GRIP1: variants seen among roughly 807,000 people sequenced by gnomAD.
The protein encoded by GRIP1 is glutamate receptor interacting protein 1.
GRIP1 carries 45 observed loss-of-function variants against 129.9 expected under a neutral mutation model. The observed-to-expected ratio is 0.35, with a 90% CI of 0.27 to 0.44. GRIP1 has a LOEUF of 0.44. GRIP1 is among the 20% of genes least tolerant of loss of function. The pLI is 1.00. For missense variants in GRIP1, 1,196 were observed against 1,396.8 expected (o/e 0.86, Z 2.29); for synonymous variants, 530 against 520.8 (o/e 1.02, Z -0.24).
intron 1 of GRIP1, among the ~76,000 whole-genome samples, chr12:66,836,250 T>G (rs910298256): frequency 6.6e-6 from 1 of 152,078 alleles, no homozygotes; most frequent in African/African-American, 2.4e-5. Context: ...ACTCAGCATC[T>G]CTAAATGCTT....
intron 2 of GRIP1, among the ~76,000 whole-genome samples, chr12:66,555,793 A>G (rs907980640): frequency 6.6e-6 from 1 of 152,100 alleles, no homozygotes; most frequent in Non-Finnish European, 1.5e-5. Context: ...AGAATGCACC[A>G]CAGTCTGTTA....
At chr12:66,978,470 C>A (rs2042188534) in intron 1 of GRIP1, among the ~76,000 whole-genome samples, 1 of 152,104 alleles carries the variant, frequency 6.6e-6, no homozygotes, top group Non-Finnish European at 1.5e-5. Context: ...GAAATGACCA[C>A]TCTCTCTCCC....
chr12:66,952,861 T>C (rs1398865899), intron 1 of GRIP1, among the ~76,000 whole-genome samples: 1 of 152,206 alleles, frequency 6.6e-6, no homozygotes, highest in Non-Finnish European at 1.5e-5. Context: ...TTCTGATGAG[T>C]AAACATATTC....
intron 15 of GRIP1, among the ~76,000 whole-genome samples, chr12:66,415,461 C>T (rs748548335): frequency 3.3e-5 from 5 of 152,136 alleles, no homozygotes; most frequent in Non-Finnish European, 7.4e-5. Context: ...AATGCTTTTA[C>T]ATGGTTGGTG....
intron 7 of GRIP1, among the ~76,000 whole-genome samples, chr12:66,504,114 T>C (rs2138805768): frequency 6.6e-6 from 1 of 152,256 alleles, no homozygotes; most frequent in Middle Eastern, 3.4e-3. Context: ...AGGGGCAGTC[T>C]GAGAGTCAAC....
intron 14 of GRIP1, among the ~76,000 whole-genome samples, chr12:66,427,011 G>T (rs1057161830): frequency 4.6e-5 from 7 of 152,060 alleles, no homozygotes; most frequent in African/African-American, 1.7e-4. Context: ...AGGGTACTTC[G>T]GAGTCGGAGA....
intron 1 of GRIP1, among the ~76,000 whole-genome samples, chr12:66,670,479 A>T (rs983578175): frequency 1.1e-4 from 17 of 152,178 alleles, no homozygotes; most frequent in Admixed American, 1.1e-3. Flanking sequence ...TTCATACAGG[A>T]CTGCAGGCTC....
intron 2 of GRIP1, among the ~76,000 whole-genome samples, chr12:66,571,344 T>C (rs2062952149): frequency 6.6e-6 from 1 of 152,152 alleles, no homozygotes; most frequent in African/African-American, 2.4e-5. Flanking sequence ...TCCAGAAAAA[T>C]ATGCCTGCTG....
chr12:66,708,352 TTTTA>T (rs1469307315), intron 1 of GRIP1, among the ~76,000 whole-genome samples: 8 of 151,948 alleles, frequency 5.3e-5, no homozygotes, highest in Admixed American at 5.3e-4. Context: ...CTGTCTAAAA[TTTTA>T]TTTGTTTAAA....
intron 1 of GRIP1, among the ~76,000 whole-genome samples, chr12:66,841,495 A>G (rs73331116): frequency 0.015 from 2,258 of 152,328 alleles, 56 homozygotes; most frequent in African/African-American, 0.051. Flanking sequence ...TCTAAAACAC[A>G]AAGATGTGAG....
chr12:67,029,644 A>C (rs986142054), intron 1 of GRIP1, among the ~76,000 whole-genome samples: 4 of 149,462 alleles, frequency 2.7e-5, no homozygotes, highest in African/African-American at 4.9e-5. Context: ...ATACATTTTT[A>C]TTATTAAACC....
chr12:66,366,515 A>G (rs2055154515), intron 23 of GRIP1, among the ~76,000 whole-genome samples: 1 of 152,224 alleles, frequency 6.6e-6, no homozygotes, highest in African/African-American at 2.4e-5. Context: ...AGTGACTGAA[A>G]TGTCCAAGTG....
chr12:66,579,101 C>T (rs557631932), intron 2 of GRIP1, among the ~76,000 whole-genome samples: 59 of 152,238 alleles, frequency 3.9e-4, no homozygotes, highest in African/African-American at 1.2e-3. Context: ...TCACGGTTCA[C>T]GAAAAACCAC....
Position 66,624,218 on chromosome 12 carries a change from T to C in GRIP1, c.56-27291A>G, listed in dbSNP as rs533883824. 5.0e-4 allele frequency among the ~76,000 whole-genome samples: 76 copies of C among 152,306 alleles called. No homozygotes were observed. In the South Asian group the frequency reaches 0.014, roughly 28 times the overall value. On this transcript the variant is annotated intron_variant, in intron 1 of 24. Coordinates refer to ENST00000359742, the MANE Select transcript of GRIP1 (RefSeq NM_001366722.1). ...GCATTATTTCAATTGGTTCCTCTGTTTCCATATGCATGTTTGCCCTCTCAA... is the reference window on the plus strand; with the variant it reads ...GCATTATTTCAATTGGTTCCTCTGTCTCCATATGCATGTTTGCCCTCTCAA...
chr12:66,482,277 A>G (rs756911584), intron 7 of GRIP1, among the ~76,000 whole-genome samples: 2 of 152,210 alleles, frequency 1.3e-5, no homozygotes, highest in Non-Finnish European at 2.9e-5. Context: ...TGGCAGTGTC[A>G]GTGAGACTTC....
intron 2 of GRIP1, among the ~76,000 whole-genome samples, chr12:66,573,251 G>C (rs1027423719): frequency 5.3e-5 from 8 of 152,018 alleles, no homozygotes; most frequent in African/African-American, 1.9e-4. Flanking sequence ...CCAACAACCT[G>C]GGTGCGCCTG....
At chr12:66,462,763 C>T (rs1253638625) in intron 9 of GRIP1, among the ~76,000 whole-genome samples, 161 bp downstream of exon 9, 1 of 136,938 alleles carries the variant, frequency 7.3e-6, no homozygotes. Flanking sequence ...GATCATGCTA[C>T]TGCATTCCAG....
intron 1 of GRIP1, among the ~76,000 whole-genome samples, chr12:66,711,531 G>C (rs2035712612): frequency 6.6e-6 from 1 of 151,720 alleles, no homozygotes; most frequent in Non-Finnish European, 1.5e-5. Flanking sequence ...AAAATTTACT[G>C]TGCTCTTAGA....
In GRIP1 at chr12:67,067,232, A is replaced by T. The variant is rs556308319; in HGVS notation, c.58+1818T>A. Among the ~76,000 whole-genome samples, 14 of 152,288 alleles carry T rather than the reference A, an allele frequency of 9.2e-5. 1 individual carries two copies. The South Asian group carries it at 2.5e-3, about 27-fold the overall frequency. On this transcript the variant is annotated intron_variant, in intron 1 of 1. Transcript: ENST00000643019. ...GTCTTATCTCCACCAAGCAGATTAG[A>T]CAATCATCTTTCAATGTTACCATAT...
Sources: gnomAD v4.1 joint callset for allele counts (sites outside exome capture counted in the v4.1 genomes callset) on GRCh38, gnomAD v4.1.1 for gene constraint, MANE v1.5 for transcripts, NCBI Gene and HGNC (gene_info 2026-07-23, HGNC 2026-07-21) for gene names.